Variants in ANK2 observed in about 807,000 individuals in gnomAD.
ANK2 encodes ankyrin-2.
Under a neutral mutation model 360.5 loss-of-function variants are expected in ANK2, and 83 were observed. That is an observed-to-expected ratio of 0.23 (90% CI 0.19 to 0.28). ANK2 has a LOEUF of 0.28. Ranked by LOEUF, ANK2 falls within the 10% of genes least tolerant of loss-of-function variation. The probability of loss-of-function intolerance (pLI) is 1.00; values close to 1 mark genes in which losing one functional copy is unlikely to be tolerated. For synonymous variants in ANK2, 1,740 were observed against 1,759.5 expected, an observed-to-expected ratio of 0.99 and a Z score of 0.28; for missense variants, 4,201 against 4,795.7, an observed-to-expected ratio of 0.88 and a Z score of 3.66.
At position 113,197,191 on chromosome 4, in the gene ANK2, G is replaced by T. The variant is rs528903634; in HGVS notation, c.285+725G>T. On this transcript the variant is annotated intron_variant, in intron 3 of 45. Coordinates refer to ENST00000357077, the MANE Select transcript of ANK2 (RefSeq NM_001148.6). ...TGCAGAATCGTTTATACTCTAATAA[G>T]AAAAGAGATTTTGGGTCATGGATTG... 2.6e-5 allele frequency among the ~76,000 whole-genome samples: 4 copies of T among 152,272 alleles called. No individual in the cohort carries two copies. In the South Asian group the frequency reaches 8.3e-4, roughly 32 times the overall value.
intron 1 of ANK2, among the ~76,000 whole-genome samples, chr4:113,054,457 G>T (rs962692838): frequency 1.3e-5 from 2 of 152,136 alleles, no homozygotes; most frequent in Non-Finnish European, 2.9e-5. Context: ...ATATTAAAAG[G>T]TTTATTTTTA....
At chr4:113,257,915 TC>T (rs1486285815) in intron 11 of ANK2, 134 bp from the exon 12 acceptor site, 2 of 909,810 alleles carry the variant, frequency 2.2e-6, no homozygotes, top group East Asian at 5.2e-5. Flanking sequence ...CTTTCCAAAT[TC>T]CAACACCTGC....
At chr4:113,235,578 G>A (rs537608573) in intron 5 of ANK2, among the ~76,000 whole-genome samples, 31 of 152,026 alleles carry the variant, frequency 2.0e-4, no homozygotes, top group Admixed American at 1.0e-3. Context: ...ACAGGTGCAC[G>A]CCACCACATT....
intron 1 of ANK2, among the ~76,000 whole-genome samples, chr4:112,899,515 T>C (rs1384661739): frequency 5.9e-5 from 9 of 152,188 alleles, no homozygotes; most frequent in Admixed American, 5.9e-4. Flanking sequence ...AAACTAGATT[T>C]TCTCTGTAGG....
chr4:113,308,905 A>G (rs115545577), intron 23 of ANK2, among the ~76,000 whole-genome samples: 1,993 of 151,650 alleles, frequency 0.013, 26 homozygotes, highest in South Asian at 0.025. Context: ...CTTTGGAGGC[A>G]GGGATGGGCC....
intron 1 of ANK2, among the ~76,000 whole-genome samples, chr4:113,150,525 G>A (rs2097026036): frequency 6.6e-6 from 1 of 152,204 alleles, no homozygotes; most frequent in Non-Finnish European, 1.5e-5. Context: ...CATGTATTCA[G>A]CCAGGCATGG....
At chr4:113,218,958 G>A (rs2099118071) in intron 4 of ANK2, among the ~76,000 whole-genome samples, 2 of 152,018 alleles carry the variant, frequency 1.3e-5, no homozygotes, top group Admixed American at 6.6e-5. Context: ...GCTCTGTTGG[G>A]GGAAAATAAA....
intron 1 of ANK2, among the ~76,000 whole-genome samples, chr4:112,895,240 T>C (rs560950558): frequency 2.6e-5 from 4 of 152,310 alleles, no homozygotes; most frequent in East Asian, 1.9e-4. Flanking sequence ...AAACTACAGA[T>C]GGCACCAAAA....
chr4:112,786,246 G>GT, the ANK2 span, among the ~76,000 whole-genome samples: 59 of 139,176 alleles, frequency 4.2e-4, no homozygotes, highest in Non-Finnish European at 7.9e-4. Flanking sequence ...AAAAAAAAAA[G>GT]TAAAAAAAAA....
intron 1 of ANK2, among the ~76,000 whole-genome samples, chr4:113,108,946 G>A (rs2093978514): frequency 6.6e-6 from 1 of 152,124 alleles, no homozygotes; most frequent in South Asian, 2.1e-4. Context: ...GCAATTCTCT[G>A]TTAAGATTTA....
chr4:112,969,070 G>T (rs959172810), intron 2 of ANK2, among the ~76,000 whole-genome samples: 1 of 152,124 alleles, frequency 6.6e-6, no homozygotes, highest in Non-Finnish European at 1.5e-5. Context: ...ATTTTGCAAG[G>T]TAGATGTTAT....
At chr4:112,983,176 C>G (rs2043661290) in intron 2 of ANK2, among the ~76,000 whole-genome samples, 3 of 152,104 alleles carry the variant, frequency 2.0e-5, no homozygotes, top group Admixed American at 1.3e-4. Flanking sequence ...ACATGAATTT[C>G]TGAATATAAT....
intron 2 of ANK2, among the ~76,000 whole-genome samples, chr4:112,905,814 A>T (rs1344283914): frequency 6.6e-6 from 1 of 152,056 alleles, no homozygotes; most frequent in Non-Finnish European, 1.5e-5. Context: ...GACTTGCACC[A>T]CCATGCCCGA....
chr4:113,060,621 A>G (rs313979), intron 1 of ANK2, among the ~76,000 whole-genome samples: 35,641 of 150,388 alleles, frequency 0.24, 6,198 homozygotes, highest in African/African-American at 0.49. Context: ...TTATGTCCCA[A>G]ACCTGTTTCA....
chr4:112,744,313 T>C, the ANK2 span, among the ~76,000 whole-genome samples: 1 of 152,016 alleles, frequency 6.6e-6, no homozygotes, highest in African/African-American at 2.4e-5. Context: ...TTGTTTCCAG[T>C]TTTTCACGTT....
At chr4:112,981,186 A>C (rs559256113) in intron 2 of ANK2, among the ~76,000 whole-genome samples, 1 of 152,242 alleles carries the variant, frequency 6.6e-6, no homozygotes, top group Non-Finnish European at 1.5e-5. Context: ...GTGCATGCTC[A>C]AGGCTCCACT....
At chr4:113,003,273 AATAG>A (rs967204843) in intron 2 of ANK2, among the ~76,000 whole-genome samples, 1 of 152,210 alleles carries the variant, frequency 6.6e-6, no homozygotes, top group African/African-American at 2.4e-5. Flanking sequence ...GATATGAATA[AATAG>A]ATAGGCATGA....
chr4:112,782,278 T>A, the ANK2 span, among the ~76,000 whole-genome samples: 1 of 152,218 alleles, frequency 6.6e-6, no homozygotes, highest in African/African-American at 2.4e-5. Flanking sequence ...TTGCTAATTG[T>A]GAAGGCAAAA....
At chr4:113,116,309 C>G (rs1405083769) in intron 1 of ANK2, among the ~76,000 whole-genome samples, 1 of 152,140 alleles carries the variant, frequency 6.6e-6, no homozygotes. Flanking sequence ...TTTCCTCTTT[C>G]CCATTCTCTA....
Sources: allele counts gnomAD v4.1 joint callset (sites outside exome capture counted in the v4.1 genomes callset), GRCh38; gene constraint gnomAD v4.1.1; transcripts MANE v1.5; gene names NCBI Gene and HGNC (gene_info 2026-07-23, HGNC 2026-07-21).